The following ANKRD11 variants were observed in gnomAD, a reference collection of about 807,000 sequenced individuals.
ANKRD11 encodes ankyrin repeat domain 11.
Under a neutral mutation model 195.7 loss-of-function variants are expected in ANKRD11, and 17 were observed. That is an observed-to-expected ratio of 0.09 (90% CI 0.06 to 0.13). ANKRD11 has a LOEUF of 0.13. Ranked by LOEUF, ANKRD11 falls within the 10% of genes least tolerant of loss-of-function variation. The probability of loss-of-function intolerance (pLI) is 1.00; values close to 1 mark genes in which losing one functional copy is unlikely to be tolerated. For missense variants in ANKRD11, 3,735 were observed against 3,566.1 expected (o/e 1.05, Z -1.21); for synonymous variants, 1,953 against 1,528.1 (o/e 1.28, Z -6.49).
At chr16:89,367,618 C>T (rs1335831245) in intron 2 of ANKRD11, among the ~76,000 whole-genome samples, 1 of 152,162 alleles carries the variant, frequency 6.6e-6, no homozygotes, top group Non-Finnish European at 1.5e-5. Flanking sequence ...GCTTGGGGGC[C>T]TCTATAAATC....
rs1276607391 is a variant in ANKRD11, at chr16:89,291,034, C to G, written c.376G>C (p.Glu126Gln). The change falls in exon 5 of 13, where the codon GAG becomes CAG. Residue 126 changes from glutamate to glutamine, a missense_variant. Glu to Gln is a conservative substitution (Grantham distance 29, BLOSUM62 2). Transcript: ENST00000301030. The surrounding 1 kb of genome is among the most constrained non-coding windows in gnomAD (Gnocchi z 5.3). ...QVALLMQMTA[E>Q]ESANSPVDTT... ...TCACCTGGGCTGTTGGCAGACTCCT[C>G]GGCCGTCATCTGCATGAGAAGGGCC... 4.3e-6 allele frequency: 7 copies of G among 1,612,192 alleles called. No individual in the cohort carries two copies. The highest frequency in any genetic ancestry group is 5.9e-6 in the Non-Finnish European group (7 of 1,179,866).
chr16:89,327,197 T>C (rs1421937900), intron 2 of ANKRD11, among the ~76,000 whole-genome samples: 1 of 152,158 alleles, frequency 6.6e-6, no homozygotes, highest in African/African-American at 2.4e-5. Flanking sequence ...TCACCCAGCA[T>C]GCCAACAAGC....
At chr16:89,298,313 C>G (rs1269825983) in intron 4 of ANKRD11, 2 of 152,362 alleles carry the variant, frequency 1.3e-5, no homozygotes, top group Non-Finnish European at 2.9e-5. Flanking sequence ...AACGTCCAAA[C>G]CTGCGCTGAG....
intron 2 of ANKRD11, chr16:89,324,868 C>G (rs142595610): frequency 2.6e-4 from 70 of 264,690 alleles, no homozygotes; most frequent in Admixed American, 2.1e-4. Context: ...TGGGACTTCA[C>G]CTCATGACTG....
At chr16:89,305,162 C>T (rs377498086) in intron 4 of ANKRD11, 44 bp downstream of exon 4, 46 of 1,602,416 alleles carry the variant, frequency 2.9e-5, no homozygotes, top group African/African-American at 8.0e-5. Context: ...CTGCTCCGGG[C>T]TGCCTGTGGA....
intron 2 of ANKRD11, among the ~76,000 whole-genome samples, chr16:89,346,040 G>A (rs1044653672): frequency 5.9e-5 from 9 of 151,798 alleles, no homozygotes; most frequent in Non-Finnish European, 1.0e-4. Context: ...TCAAGAGTTT[G>A]AGACCAGGCT....
At position 89,387,327 on chromosome 16, in the gene ANKRD11, A is replaced by AGGGATAGG. The variant is rs577225039; in HGVS notation, c.-60+30956_-60+30957insCCTATCCC. On this transcript the variant is annotated intron_variant, in intron 2 of 12. Coordinates refer to ENST00000301030, the MANE Select transcript of ANKRD11 (RefSeq NM_013275.6). ...TGCGTCTGTGGTGAGGGGACAGCAG[A>AGGGATAGG]GGGATAGTCAGGCCTCCCACTCTGC... 5.1e-3 allele frequency among the ~76,000 whole-genome samples: 775 copies of AGGGATAGG among 152,092 alleles called. 5 individuals carry two copies. Among genetic ancestry groups the AGGGATAGG allele is most frequent in the African/African-American group, 0.018 (752 of 41,474 alleles).
intron 1 of ANKRD11, among the ~76,000 whole-genome samples, chr16:89,451,408 T>C (rs770968225): frequency 9.1e-6 from 1 of 110,204 alleles, no homozygotes; most frequent in African/African-American, 3.1e-5. Flanking sequence ...ATTTCACAAA[T>C]TACTTTTTTT....
At chr16:89,378,506 G>A (rs767153729) in intron 2 of ANKRD11, among the ~76,000 whole-genome samples, 3 of 152,138 alleles carry the variant, frequency 2.0e-5, no homozygotes, top group African/African-American at 4.8e-5. Context: ...TAGCAAAAAC[G>A]TAGAGCTTTA....
chr16:89,450,794 G>T (rs780270106), intron 1 of ANKRD11, among the ~76,000 whole-genome samples: 2 of 152,102 alleles, frequency 1.3e-5, no homozygotes, highest in African/African-American at 4.8e-5. Flanking sequence ...ACCATGCCTG[G>T]CCTGTCAAGA....
chr16:89,303,329 A>C (rs1397015952), intron 4 of ANKRD11, among the ~76,000 whole-genome samples: 6 of 152,196 alleles, frequency 3.9e-5, no homozygotes, highest in Non-Finnish European at 8.8e-5. Context: ...GACGGCAAAC[A>C]CAGGGTTTCA....
chr16:89,454,522 T>C (rs575762630), intron 1 of ANKRD11, among the ~76,000 whole-genome samples: 18 of 152,326 alleles, frequency 1.2e-4, no homozygotes, highest in African/African-American at 3.6e-4. Context: ...TCACAAATTA[T>C]AACTCTGTCT....
intron 1 of ANKRD11, among the ~76,000 whole-genome samples, chr16:89,463,762 C>A (rs2056785001): frequency 6.6e-6 from 1 of 151,810 alleles, no homozygotes; most frequent in Admixed American, 6.6e-5. Context: ...TTGTCTAGTT[C>A]ACATTTAATT....
chr16:89,443,034 C>G (rs2043596920), intron 1 of ANKRD11, among the ~76,000 whole-genome samples: 1 of 152,206 alleles, frequency 6.6e-6, no homozygotes, highest in Non-Finnish European at 1.5e-5. Flanking sequence ...GCTCTGTCAT[C>G]CAGACTGGAG....
intron 1 of ANKRD11, chr16:89,422,364 C>T (rs1283550197): frequency 6.6e-6 from 1 of 151,654 alleles, no homozygotes; most frequent in African/African-American, 2.4e-5. Context: ...TTAAAAAAAG[C>T]AATTTTAAAA....
chr16:89,270,260 A>G (rs548209639), intron 12 of ANKRD11: 79 of 209,128 alleles, frequency 3.8e-4, no homozygotes, highest in Non-Finnish European at 7.1e-4. Context: ...TGAGCCTGAT[A>G]CTGCAGGTAG....
At chr16:89,456,001 G>C (rs1284597239) in intron 1 of ANKRD11, among the ~76,000 whole-genome samples, 1 of 152,164 alleles carries the variant, frequency 6.6e-6, no homozygotes, top group Non-Finnish European at 1.5e-5. Context: ...ACTTTTGAGA[G>C]GCTGAAGCTG....
chr16:89,426,769 T>A (rs1324347879), intron 1 of ANKRD11, among the ~76,000 whole-genome samples: 1 of 152,236 alleles, frequency 6.6e-6, no homozygotes, highest in East Asian at 1.9e-4. Flanking sequence ...GGCCTCACCA[T>A]TTTATGATCG....
chr16:89,353,492 T>C (rs549459208), intron 2 of ANKRD11, among the ~76,000 whole-genome samples: 2 of 152,212 alleles, frequency 1.3e-5, no homozygotes, highest in African/African-American at 4.8e-5. Flanking sequence ...TTTTTCATTT[T>C]TTTGAGACAG....
Sources: allele counts gnomAD v4.1 joint callset (sites outside exome capture counted in the v4.1 genomes callset), GRCh38; gene constraint gnomAD v4.1.1; non-coding constraint Gnocchi (gnomAD v3.1); transcripts MANE v1.5; gene names NCBI Gene and HGNC (gene_info 2026-07-23, HGNC 2026-07-21).